Variants in SLC7A14 observed in about 807,000 individuals in gnomAD.
The protein encoded by SLC7A14 is solute carrier family 7 member 14, also known as gamma-aminobutyric acid transporter SLC7A14.
SLC7A14 carries 37 observed loss-of-function variants against 60.2 expected under a neutral mutation model. The ratio of observed to expected loss-of-function variants is 0.61; its 90% CI spans 0.47 to 0.81. The LOEUF is 0.81. SLC7A14 is among the 30% of genes least tolerant of loss of function. SLC7A14 has a pLI of 0.00. For missense variants in SLC7A14, 886 were observed against 982.7 expected, an observed-to-expected ratio of 0.90 and a Z score of 1.32; for synonymous variants, 399 against 395.8, an observed-to-expected ratio of 1.01 and a Z score of -0.10.
chr3:170,568,092 G>T (rs1157141239), intron 1 of SLC7A14, among the ~76,000 whole-genome samples: 1 of 152,100 alleles, frequency 6.6e-6, no homozygotes, highest in Non-Finnish European at 1.5e-5. Context: ...CCATGCCTAT[G>T]TCCTGAATGG....
At chr3:170,556,753 G>A (rs1714494155) in intron 1 of SLC7A14, among the ~76,000 whole-genome samples, 1 of 152,078 alleles carries the variant, frequency 6.6e-6, no homozygotes, top group Non-Finnish European at 1.5e-5. Context: ...GCCCTATTTA[G>A]GCATTCCTCA....
In SLC7A14 at chr3:170,553,476, G is replaced by A. The variant is rs574510461; in HGVS notation, c.-152-26388C>T. 3.9e-5 allele frequency among the ~76,000 whole-genome samples: 6 copies of A among 152,284 alleles called. No homozygotes were observed. In the East Asian group the frequency reaches 5.8e-4, roughly 15 times the overall value. On this transcript the variant is annotated intron_variant, in intron 1 of 7. Coordinates refer to ENST00000231706, the MANE Select transcript of SLC7A14 (RefSeq NM_020949.3). ...TCAAAACAGTAACATTGTCATCATC[G>A]TCGTCATCATCATCATCATCATTGC...
chr3:170,518,557 A>G (rs1186641499), intron 2 of SLC7A14, among the ~76,000 whole-genome samples: 1 of 152,172 alleles, frequency 6.6e-6, no homozygotes, highest in African/African-American at 2.4e-5. Context: ...CTGTATTACT[A>G]AAGTACATAT....
At chr3:170,573,623 A>G (rs1352119274) in intron 1 of SLC7A14, among the ~76,000 whole-genome samples, 1 of 152,266 alleles carries the variant, frequency 6.6e-6, no homozygotes, top group Non-Finnish European at 1.5e-5. Context: ...TGGGGGCTGC[A>G]TAAAGACTAG....
At chr3:170,541,065 A>T (rs1160870583) in intron 1 of SLC7A14, among the ~76,000 whole-genome samples, 2 of 152,214 alleles carry the variant, frequency 1.3e-5, no homozygotes, top group Non-Finnish European at 2.9e-5. Context: ...AAGAAAGGAT[A>T]CATCCACACA....
intron 2 of SLC7A14, among the ~76,000 whole-genome samples, chr3:170,514,871 T>A (rs1339620383): frequency 6.6e-6 from 1 of 152,240 alleles, no homozygotes; most frequent in East Asian, 1.9e-4. Context: ...CATGGGCATA[T>A]TAAGCACTTT....
intron 1 of SLC7A14, among the ~76,000 whole-genome samples, chr3:170,548,857 T>C (rs1356683824): frequency 1.3e-5 from 2 of 151,554 alleles, no homozygotes; most frequent in African/African-American, 4.8e-5. Context: ...ACTTTTCCTT[T>C]GGAGCACGTT....
chr3:170,553,919 A>G (rs1714418996), intron 1 of SLC7A14, among the ~76,000 whole-genome samples: 1 of 151,432 alleles, frequency 6.6e-6, no homozygotes, highest in South Asian at 2.1e-4. Flanking sequence ...ATTAATACAC[A>G]TTAATTGGAA....
chr3:170,499,988 C>G (rs534678531), intron 3 of SLC7A14, among the ~76,000 whole-genome samples: 1 of 152,292 alleles, frequency 6.6e-6, no homozygotes, highest in South Asian at 2.1e-4. Flanking sequence ...TGTCATGGTA[C>G]TTGGGTGCTC....
intron 7 of SLC7A14, among the ~76,000 whole-genome samples, chr3:170,477,822 T>C (rs1000249361): frequency 3.9e-5 from 6 of 152,236 alleles, no homozygotes; most frequent in African/African-American, 1.4e-4. Flanking sequence ...ACCAATGGAA[T>C]GGGCACCACA....
At chr3:170,473,125 A>G (rs930268358) in intron 7 of SLC7A14, among the ~76,000 whole-genome samples, 1 of 152,144 alleles carries the variant, frequency 6.6e-6, no homozygotes, top group African/African-American at 2.4e-5. Context: ...GGTTTACAAA[A>G]GCTAAGCTTG....
chr3:170,502,187 C>G (rs1278924946), intron 2 of SLC7A14, among the ~76,000 whole-genome samples: 1 of 152,108 alleles, frequency 6.6e-6, no homozygotes, highest in African/African-American at 2.4e-5. Context: ...GGGGAGTGTG[C>G]ACTGAGGTAT....
chr3:170,474,019 C>G (rs1035734726), intron 7 of SLC7A14, among the ~76,000 whole-genome samples: 11 of 152,250 alleles, frequency 7.2e-5, no homozygotes, highest in African/African-American at 2.6e-4. Context: ...GCGTGTCCAC[C>G]AAAAACATGT....
intron 2 of SLC7A14, among the ~76,000 whole-genome samples, chr3:170,525,929 G>C (rs769822499): frequency 5.9e-5 from 9 of 152,160 alleles, no homozygotes; most frequent in Non-Finnish European, 1.2e-4. Context: ...AAATTAGCCA[G>C]GCGTTGTGGT....
intron 1 of SLC7A14, among the ~76,000 whole-genome samples, chr3:170,558,189 G>A (rs7625320): frequency 0.15 from 23,464 of 152,064 alleles, 2,253 homozygotes; most frequent in East Asian, 0.24. Flanking sequence ...CCAATGTGGC[G>A]AAATTCCATC....
At chr3:170,477,314 C>T (rs868552935) in intron 7 of SLC7A14, among the ~76,000 whole-genome samples, 1 of 152,224 alleles carries the variant, frequency 6.6e-6, no homozygotes, top group Non-Finnish European at 1.5e-5. Flanking sequence ...TGGTGGACTA[C>T]ATCTGTATTT....
At chr3:170,504,994 G>T (rs551804077) in intron 2 of SLC7A14, among the ~76,000 whole-genome samples, 1 of 152,138 alleles carries the variant, frequency 6.6e-6, no homozygotes, top group Non-Finnish European at 1.5e-5. Flanking sequence ...GCTCTGTCTT[G>T]TATCATATAT....
chr3:170,547,199 G>A (rs955824803), intron 1 of SLC7A14, among the ~76,000 whole-genome samples: 19 of 152,176 alleles, frequency 1.2e-4, no homozygotes, highest in African/African-American at 4.3e-4. Context: ...GATTCTATGA[G>A]CCAAATAGAG....
At chr3:170,569,346 TC>T (rs1280908462) in intron 1 of SLC7A14, among the ~76,000 whole-genome samples, 1 of 152,242 alleles carries the variant, frequency 6.6e-6, no homozygotes, top group Non-Finnish European at 1.5e-5. Flanking sequence ...CAGCCTTGCA[TC>T]CCAGGGATGA....
Sources: gnomAD v4.1 joint callset for allele counts (sites outside exome capture counted in the v4.1 genomes callset) on GRCh38, gnomAD v4.1.1 for gene constraint, MANE v1.5 for transcripts, NCBI Gene and HGNC (gene_info 2026-07-23, HGNC 2026-07-21) for gene names.